CHST11: variants seen among roughly 807,000 people sequenced by gnomAD.
CHST11 encodes the protein carbohydrate sulfotransferase 11, also known as C4S-1.
CHST11 carries 9 observed loss-of-function variants against 30.4 expected under a neutral mutation model. The observed-to-expected ratio is 0.30, with a 90% CI of 0.18 to 0.52. The LOEUF (loss-of-function observed/expected upper bound fraction) is 0.52. Ranked by LOEUF, CHST11 falls within the 20% of genes least tolerant of loss-of-function variation. CHST11 has a pLI of 0.97. For missense variants in CHST11, 348 were observed against 460.6 expected (o/e 0.76, Z 2.24); for synonymous variants, 152 against 187.8 (o/e 0.81, Z 1.56).
intron 1 of CHST11, among the ~76,000 whole-genome samples, chr12:104,475,672 A>ATC (rs2037551340): frequency 1.3e-5 from 1 of 76,268 alleles, no homozygotes; most frequent in African/African-American, 5.7e-5. Flanking sequence ...ATATATATAT[A>ATC]TATATATATA....
chr12:104,614,284 G>T (rs1318548318), intron 2 of CHST11, among the ~76,000 whole-genome samples: 1 of 152,208 alleles, frequency 6.6e-6, no homozygotes, highest in East Asian at 1.9e-4. Flanking sequence ...AGACGCAGTG[G>T]CTCATGCCTG....
chr12:104,457,803 T>C (rs2037368545), intron 1 of CHST11, among the ~76,000 whole-genome samples: 1 of 137,816 alleles, frequency 7.3e-6, no homozygotes. Flanking sequence ...TTTTTTTTTT[T>C]TCTTCTTCTT....
In CHST11 at chr12:104,600,853, T is replaced by TC. The variant is rs145916705; in HGVS notation, c.119-1050dup. Among the ~76,000 whole-genome samples, 1,613 of 151,848 alleles carry TC rather than the reference T, an allele frequency of 0.011. 27 individuals carry two copies. Among genetic ancestry groups the TC allele is most frequent in the African/African-American group, 0.038 (1,555 of 41,370 alleles). ...TTATTCTTCCCCCATCTCTCTTTTT[T>TC]CCCTCTCTCCTTCTTTCCTTTCTTC... On this transcript the variant is annotated intron_variant, in intron 1 of 2. Coordinates refer to ENST00000303694, the MANE Select transcript of CHST11 (RefSeq NM_018413.6). The surrounding 1 kb of genome is among the most constrained non-coding windows in gnomAD (Gnocchi z 4.1).
intron 2 of CHST11, among the ~76,000 whole-genome samples, chr12:104,723,467 C>T (rs1159742705): frequency 2.6e-5 from 4 of 152,202 alleles, no homozygotes; most frequent in Non-Finnish European, 5.9e-5. Context: ...TGAGAATTTG[C>T]GCTCCCCTTT....
chr12:104,492,965 G>A (rs759507636), intron 1 of CHST11, among the ~76,000 whole-genome samples: 5 of 151,254 alleles, frequency 3.3e-5, no homozygotes, highest in Admixed American at 1.3e-4. Context: ...CCCGGGAGGC[G>A]GAGGTTGCAG....
chr12:104,700,963 C>T (rs2039986767), intron 2 of CHST11, among the ~76,000 whole-genome samples: 1 of 152,094 alleles, frequency 6.6e-6, no homozygotes, highest in Non-Finnish European at 1.5e-5. Flanking sequence ...CAAAAATTAG[C>T]CAGGCATGGT....
chr12:104,705,558 G>C (rs1163117407), intron 2 of CHST11, among the ~76,000 whole-genome samples: 1 of 152,162 alleles, frequency 6.6e-6, no homozygotes, highest in Admixed American at 6.6e-5. Flanking sequence ...GGGGAGCCGG[G>C]TAATAAACAG....
At position 104,757,753 on chromosome 12, in the gene CHST11, G is replaced by A; in HGVS notation, c.1009G>A (p.Asp337Asn). The change falls in exon 3 of 3, where the codon GAT (aspartate) becomes AAT (asparagine). Residue 337 changes from aspartate (D) to asparagine (N), a missense_variant. By Grantham distance (23) the Asp-to-Asn change is conservative. Around this residue, in one of 3 missense-constraint regions of CHST11, gnomAD observed 210 missense variants for 287.2 expected, o/e 0.73. Coordinates refer to ENST00000303694, the MANE Select transcript of CHST11 (RefSeq NM_018413.6). The surrounding 1 kb of genome is among the most constrained non-coding windows in gnomAD (Gnocchi z 6.5). ...GCAGCTGTACGAAGTCTACAAACTC[G>A]ATTTTTTAATGTTCAATTACTCAGT... ...QTQLYEVYKL[D>N]FLMFNYSVPS... 6.2e-7 allele frequency: 1 copy of A among 1,614,056 alleles called. No individual in the cohort carries two copies. Among genetic ancestry groups the A allele is most frequent in the Non-Finnish European group, 8.5e-7 (1 of 1,180,004 alleles).
chr12:104,687,101 C>A (rs2039853708), intron 2 of CHST11, among the ~76,000 whole-genome samples: 1 of 152,264 alleles, frequency 6.6e-6, no homozygotes, highest in Admixed American at 6.5e-5. Flanking sequence ...ACAGTTAACA[C>A]AGCAACCTTT....
At chr12:104,593,760 A>T (rs768822978) in intron 1 of CHST11, among the ~76,000 whole-genome samples, 9 of 152,144 alleles carry the variant, frequency 5.9e-5, no homozygotes, top group Non-Finnish European at 1.3e-4. Context: ...AATGGGTGTG[A>T]TACGACCTAC....
At chr12:104,724,483 T>A (rs899443499) in intron 2 of CHST11, among the ~76,000 whole-genome samples, 1 of 152,076 alleles carries the variant, frequency 6.6e-6, no homozygotes, top group Admixed American at 6.5e-5. Context: ...CATTTTTTTT[T>A]AAAGGGGAGA....
chr12:104,684,450 G>C (rs80317060), intron 2 of CHST11, among the ~76,000 whole-genome samples: 7,459 of 152,254 alleles, frequency 0.049, 364 homozygotes, highest in East Asian at 0.24. Context: ...TGTAAAAAGG[G>C]GATGGTACAC....
rs528384366 is a variant in CHST11 at position 104,624,967 on chromosome 12, G to A, written c.204+22976G>A. Among the ~76,000 whole-genome samples, 11 of 152,280 alleles carry A rather than the reference G, an allele frequency of 7.2e-5. 1 individual carries two copies. In the South Asian group the frequency reaches 1.5e-3, roughly 20 times the overall value. On this transcript the variant is annotated intron_variant, in intron 2 of 2. Transcript: ENST00000303694. ...CACGGTCATTCTGGGTTAGGGTCCC[G>A]CCTTTATGACCTCATTTAACCCTAA...
At chr12:104,673,610 T>C (rs543354254) in intron 2 of CHST11, among the ~76,000 whole-genome samples, 5 of 152,350 alleles carry the variant, frequency 3.3e-5, no homozygotes, top group African/African-American at 7.2e-5. Context: ...ACCATTCTTA[T>C]GGTGATTATC....
At chr12:104,489,118 C>T (rs7302553) in intron 1 of CHST11, among the ~76,000 whole-genome samples, 4,100 of 152,096 alleles carry the variant, frequency 0.027, 182 homozygotes, top group African/African-American at 0.094. Flanking sequence ...CTCACTGCAA[C>T]CTCCACCTCC....
chr12:104,544,010 G>C (rs1406214470), intron 1 of CHST11, among the ~76,000 whole-genome samples: 1 of 151,688 alleles, frequency 6.6e-6, no homozygotes, highest in East Asian at 1.9e-4. Context: ...TGTAGTCCTG[G>C]CTACTCGGGA....
chr12:104,645,108 C>T lies in CHST11; in HGVS notation c.204+43117C>T, dbSNP rs530665153. On this transcript the variant is annotated intron_variant, in intron 2 of 2. Transcript: ENST00000303694. ...GACTACAGGCACCCGCCACCACGCC[C>T]GGCTAATTTTTTGTATTTTTAGTAG... 9.2e-5 allele frequency among the ~76,000 whole-genome samples: 14 copies of T among 152,194 alleles called. No homozygotes were observed. In the East Asian group the frequency reaches 2.3e-3, roughly 25 times the overall value.
At chr12:104,475,807 ATG>A (rs1190976765) in intron 1 of CHST11, among the ~76,000 whole-genome samples, 4 of 143,400 alleles carry the variant, frequency 2.8e-5, no homozygotes, top group Non-Finnish European at 6.1e-5. Context: ...ATGTATTTAT[ATG>A]TATATATCCA....
At chr12:104,509,072 A>G (rs2037936816) in intron 1 of CHST11, among the ~76,000 whole-genome samples, 1 of 152,080 alleles carries the variant, frequency 6.6e-6, no homozygotes, top group Non-Finnish European at 1.5e-5. Context: ...AAGTAGTAAC[A>G]TTTTCCCCAC....
Sources: allele counts gnomAD v4.1 joint callset (sites outside exome capture counted in the v4.1 genomes callset), GRCh38; gene constraint gnomAD v4.1.1; regional missense constraint gnomAD v4.1.1; non-coding constraint Gnocchi (gnomAD v3.1); transcripts MANE v1.5; gene names NCBI Gene and HGNC (gene_info 2026-07-23, HGNC 2026-07-21).